CNOT6L: variants seen among roughly 807,000 people sequenced by gnomAD.
CNOT6L encodes the protein CCR4-NOT transcription complex subunit 6-like.
Under a neutral mutation model 64.0 loss-of-function variants are expected in CNOT6L, and 7 were observed. The observed-to-expected ratio is 0.11, with a 90% confidence interval of 0.06 to 0.21. CNOT6L has a LOEUF of 0.21. Ranked by LOEUF, CNOT6L falls within the 10% of genes least tolerant of loss-of-function variation. The pLI is 1.00. For synonymous variants in CNOT6L, 193 were observed against 243.4 expected (o/e 0.79, Z 1.93); for missense variants, 245 against 669.0 (o/e 0.37, Z 6.99).
At chr4:77,756,780 G>C in intron 5 of CNOT6L, 82 bp downstream of exon 5, 1 of 811,880 alleles carries the variant, frequency 1.2e-6, no homozygotes. Flanking sequence ...ATAAAAAACA[G>C]TCAGATGCTC....
rs866442476 is a variant in CNOT6L at position 77,813,816 on chromosome 4, G to A, written c.5+5488C>T. Among the ~76,000 whole-genome samples, 7 of 152,250 alleles carry A rather than the reference G, an allele frequency of 4.6e-5. No homozygotes were observed. The South Asian group carries it at 8.3e-4, about 18-fold the overall frequency. On this transcript the variant is annotated intron_variant, in intron 1 of 11. Coordinates refer to ENST00000504123, the MANE Select transcript of CNOT6L (RefSeq NM_144571.3). The stretch of plus-strand genomic sequence containing the variant: ...TGCTGATGGAAATGTAAAATACTGC[G>A]ACTGCTTTGGAAAGCAGTCTAGAAG...
At position 77,715,518 on chromosome 4, in the gene CNOT6L, C is replaced by A. The variant is rs558635632; in HGVS notation, c.*4913G>T. On this transcript the variant is annotated 3_prime_UTR_variant, in exon 12 of 12. Coordinates refer to ENST00000504123, the MANE Select transcript of CNOT6L (RefSeq NM_144571.3). The stretch of plus-strand genomic sequence containing the variant: ...GGTTCCAGGAAAAACCCAAGTCTAA[C>A]CAAATGTATGCCACAAGGAACTGCC... 6.6e-6 allele frequency: 1 copy of A among 152,234 alleles called. No individual in the cohort carries two copies. Among genetic ancestry groups the A allele is most frequent in the African/African-American group, 2.4e-5 (1 of 41,546 alleles). The allele number at this position is 152,234 out of a possible 1,614,324, so 9.4% of individuals were successfully genotyped here.
chr4:77,810,685 T>C (rs1578011787), intron 1 of CNOT6L, among the ~76,000 whole-genome samples: 3 of 152,138 alleles, frequency 2.0e-5, no homozygotes. Context: ...TGAAACTACA[T>C]AATAATATTG....
intron 4 of CNOT6L, among the ~76,000 whole-genome samples, chr4:77,761,041 A>G (rs546155877): frequency 2.6e-5 from 4 of 151,624 alleles, no homozygotes; most frequent in South Asian, 2.1e-4. Context: ...TAAGAAAACT[A>G]TATGTGTGTA....
upstream of CNOT6L, chr4:77,819,458 C>A: frequency 6.7e-7 from 1 of 1,500,834 alleles, no homozygotes; most frequent in Non-Finnish European, 9.0e-7. Flanking sequence ...CACAAACACC[C>A]ACGGCGGGCC....
intron 8 of CNOT6L, among the ~76,000 whole-genome samples, chr4:77,733,397 CAAGTT>C (rs1343031557): frequency 3.9e-5 from 6 of 152,166 alleles, no homozygotes; most frequent in African/African-American, 9.6e-5. Flanking sequence ...GCACCAAAAA[CAAGTT>C]AACTAAGCAG....
chr4:77,753,468 C>T (rs542399463), intron 5 of CNOT6L, among the ~76,000 whole-genome samples: 3 of 152,052 alleles, frequency 2.0e-5, no homozygotes, highest in African/African-American at 4.8e-5. Flanking sequence ...GTCAGGAGTT[C>T]GAGACCAGCC....
intron 1 of CNOT6L, among the ~76,000 whole-genome samples, chr4:77,794,149 T>A (rs1210606331): frequency 5.7e-4 from 1 of 1,742 alleles, no homozygotes; most frequent in East Asian, 0.01. Flanking sequence ...AGACTCTGTC[T>A]CAAAAAAAAA....
In CNOT6L at chr4:77,818,574, A is replaced by G. The variant is rs983210601; in HGVS notation, c.5+730T>C. 3.3e-5 allele frequency among the ~76,000 whole-genome samples: 5 copies of G among 152,278 alleles called. No homozygotes were observed. The South Asian group carries it at 1.0e-3, about 32-fold the overall frequency. On this transcript the variant is annotated intron_variant, in intron 1 of 11. Transcript: ENST00000504123. Reference sequence around the variant, plus strand: ...GAACACGACACCGCGTATTCCCAAGACTGACTGTTCTGATTCACTTTCCTC... The same window carrying G: ...GAACACGACACCGCGTATTCCCAAGGCTGACTGTTCTGATTCACTTTCCTC...
chr4:77,739,236 T>A (rs866884089), intron 8 of CNOT6L, among the ~76,000 whole-genome samples: 16 of 152,334 alleles, frequency 1.1e-4, no homozygotes, highest in South Asian at 2.1e-4. Flanking sequence ...TTTTCATGTA[T>A]GATTAAACAG....
At chr4:77,763,142 A>G (rs1726432026) in intron 4 of CNOT6L, among the ~76,000 whole-genome samples, 1 of 152,150 alleles carries the variant, frequency 6.6e-6, no homozygotes, top group African/African-American at 2.4e-5. Flanking sequence ...CCCACAGTGG[A>G]ATCAAAAGGT....
chr4:77,789,945 C>CAAAAAAAAAAAAAAAAAAAAAA (rs58242121), intron 1 of CNOT6L, among the ~76,000 whole-genome samples: 1 of 83,310 alleles, frequency 1.2e-5, no homozygotes, highest in Non-Finnish European at 2.3e-5. Context: ...GACACTGTCT[C>CAAAAAAAAAAAAAAAAAAAAAA]AAAAAAAAAA....
At chr4:77,757,793 G>A (rs1004969825) in intron 4 of CNOT6L, among the ~76,000 whole-genome samples, 3 of 152,044 alleles carry the variant, frequency 2.0e-5, no homozygotes, top group Non-Finnish European at 4.4e-5. Flanking sequence ...TCCAGCTTCC[G>A]GGTTCAAGTG....
chr4:77,735,662 G>GA (rs1252947460), intron 8 of CNOT6L, among the ~76,000 whole-genome samples: 1 of 152,154 alleles, frequency 6.6e-6, no homozygotes, highest in Non-Finnish European at 1.5e-5. Flanking sequence ...CTACTTTGAG[G>GA]AAAATTCTTC....
At chr4:77,753,115 T>C (rs546246311) in intron 5 of CNOT6L, among the ~76,000 whole-genome samples, 224 of 133,008 alleles carry the variant, frequency 1.7e-3, no homozygotes, top group African/African-American at 6.0e-3. Flanking sequence ...CAGAAACTCA[T>C]AGAAAGAGAA....
intron 10 of CNOT6L, among the ~76,000 whole-genome samples, chr4:77,726,694 T>G (rs1003708238): frequency 1.3e-5 from 2 of 152,218 alleles, no homozygotes; most frequent in Non-Finnish European, 2.9e-5. Context: ...CAGGAAGGTA[T>G]TAACCCTAAA....
Position 77,819,316 on chromosome 4 carries a change from C to CT in CNOT6L, c.-9dup. ...AAGAACACTCTACCTCATTCTCTTC[C>CT]TCTGGCCCAGAAGCAACAGCAGCCA... is the stretch of plus-strand genomic sequence containing the variant. On this transcript the variant is annotated 5_prime_UTR_variant, in exon 1 of 12. Transcript: ENST00000504123. 6.2e-7 allele frequency: 1 copy of CT among 1,613,684 alleles called. No homozygotes were observed. The highest frequency in any genetic ancestry group is 8.5e-7 in the Non-Finnish European group (1 of 1,179,756).
At chr4:77,819,075 C>CACACACACACACACACACACACACA (rs71214371) in intron 1 of CNOT6L, 385 of 731,944 alleles carry the variant, frequency 5.3e-4, no homozygotes, top group Admixed American at 8.9e-4. Flanking sequence ...CACACACACA[C>CACACACACACACACACACACACACA]CCCGGAACCT....
intron 7 of CNOT6L, among the ~76,000 whole-genome samples, chr4:77,743,626 G>C (rs567321003): frequency 1.0e-5 from 1 of 99,686 alleles, no homozygotes; most frequent in Non-Finnish European, 1.8e-5. Flanking sequence ...TTTTGAGACA[G>C]AATCTCGCTC....
Sources: allele counts gnomAD v4.1 joint callset (sites outside exome capture counted in the v4.1 genomes callset), GRCh38; gene constraint gnomAD v4.1.1; transcripts MANE v1.5; gene names NCBI Gene and HGNC (gene_info 2026-07-23, HGNC 2026-07-21).